The following HUWE1 variants were observed in gnomAD, a reference collection of about 807,000 sequenced individuals.
HUWE1 encodes HECT, UBA and WWE domain containing E3 ubiquitin protein ligase 1.
A neutral mutation model predicts 299.4 loss-of-function variants in HUWE1; 18 were observed. The observed-to-expected ratio is 0.06, with a 90% CI of 0.04 to 0.09. HUWE1 has a LOEUF of 0.09. Ranked by LOEUF, HUWE1 falls within the 10% of genes least tolerant of loss-of-function variation. The pLI, the probability that HUWE1 is intolerant of heterozygous loss-of-function variation, is 1.00. For synonymous variants in HUWE1, 1,317 were observed against 1,286.1 expected (o/e 1.02, Z -0.51); for missense variants, 1,832 against 3,462.3 (o/e 0.53, Z 11.82).
Position 53,624,647 on chromosome X carries a change from C to T in HUWE1, c.1620G>A (p.Leu540=). 8.3e-7 allele frequency: 1 copy of T among 1,203,967 alleles called. No individual in the cohort carries two copies. The highest frequency in any genetic ancestry group is 1.1e-6 in the Non-Finnish European group (1 of 888,492). The change falls in exon 19 of 84, where the codon CTG becomes CTA. Residue 540 remains leucine, a synonymous_variant. Coordinates refer to ENST00000262854, the MANE Select transcript of HUWE1 (RefSeq NM_031407.7). ...ATTCTGCATTGCTGATGATGTGTTT[C>T]AGGGAGGTAGGCAGAGAACCATCCA... is the stretch of plus-strand genomic sequence containing the variant. ...HVMDGSLPTS[L]KHIISNAEYY... is the part of the protein sequence containing the mutation.
intron 7 of HUWE1, among the ~76,000 whole-genome samples, chrX:53,643,476 A>T (rs1297270352): frequency 9.1e-6 from 1 of 110,321 alleles, no homozygotes; most frequent in African/African-American, 3.3e-5. Context: ...TACCGTCCTG[A>T]GTAGCTAGGA....
intron 3 of HUWE1, among the ~76,000 whole-genome samples, chrX:53,656,529 G>T (rs1436956790): frequency 1.3e-5 from 1 of 78,284 alleles, no homozygotes; most frequent in Non-Finnish European, 2.3e-5. Flanking sequence ...GTGACAGAGC[G>T]AGACTCCAGT....
chrX:53,568,482 G>A (rs1401680713), intron 49 of HUWE1, among the ~76,000 whole-genome samples: 2 of 108,521 alleles, frequency 1.8e-5, no homozygotes, highest in African/African-American at 6.7e-5. Context: ...GGGGAAGCTT[G>A]AAAAAAAAAT....
At chrX:53,560,491 T>C (rs935270021) in intron 55 of HUWE1, 75 bp from the exon 56 acceptor site, 3 of 911,751 alleles carry the variant, frequency 3.3e-6, no homozygotes, top group South Asian at 2.1e-5. Context: ...GAATCATGTC[T>C]CCTGGGCCTT....
chrX:53,551,588 CTGCAG>C (rs2061766094), intron 63 of HUWE1, 108 bp from the exon 64 acceptor site: 2 of 718,145 alleles, frequency 2.8e-6, no homozygotes, highest in African/African-American at 4.2e-5. Flanking sequence ...CCTTGCCTCA[CTGCAG>C]TGTTGAGCTC....
At chrX:53,673,069 A>C (rs1557049983) in intron 3 of HUWE1, among the ~76,000 whole-genome samples, 1 of 112,379 alleles carries the variant, frequency 8.9e-6, no homozygotes, top group African/African-American at 3.2e-5. Flanking sequence ...TTCCCAAAGC[A>C]TTCTTACTAA....
chrX:53,586,600 A>AT (rs781986614), intron 38 of HUWE1, 29 bp from the exon 39 acceptor site: 10 of 1,128,102 alleles, frequency 8.9e-6, no homozygotes, highest in Non-Finnish European at 1.2e-5. Flanking sequence ...CTGTTTTGGG[A>AT]AAGCAAGAAA....
At chrX:53,582,508 C>T (rs1427653819) in intron 42 of HUWE1, among the ~76,000 whole-genome samples, 1 of 112,337 alleles carries the variant, frequency 8.9e-6, no homozygotes, top group Non-Finnish European at 1.9e-5. Flanking sequence ...ACTTGTAATG[C>T]CTTTTGATCC....
At chrX:53,632,108 T>A (rs1557023255) in intron 9 of HUWE1, 2 of 332,916 alleles carry the variant, frequency 6.0e-6, no homozygotes. Flanking sequence ...AATGACCAGA[T>A]AATTTAAGCA....
intron 57 of HUWE1, 85 bp downstream of exon 57, chrX:53,559,269 A>G: frequency 9.5e-7 from 1 of 1,051,839 alleles, no homozygotes; most frequent in Non-Finnish European, 1.3e-6. Flanking sequence ...GGTTTTCTAT[A>G]GGGCAGACAC....
In HUWE1 at chrX:53,573,909, G is replaced by A. The variant is rs978719308; in HGVS notation, c.6153C>T (p.Ala2051=). 1 of 1,209,676 alleles carries A rather than the reference G, an allele frequency of 8.3e-7. No individual in the cohort carries two copies. Among genetic ancestry groups the A allele is most frequent in the African/African-American group, 1.8e-5 (1 of 57,093 alleles). ...DGKKDKEGDR[A]SEEGKQKGKG... is the part of the protein sequence containing the mutation. ...TGCCTTTCTGTTTGCCTTCCTCAGAGGCCCGGTCCCCTTCTTTATCTTTCT... is the reference window on the plus strand; with the variant it reads ...TGCCTTTCTGTTTGCCTTCCTCAGAAGCCCGGTCCCCTTCTTTATCTTTCT... The change falls in exon 47 of 84, where the codon GCC becomes GCT. Residue 2051 remains alanine, a synonymous_variant. Coordinates refer to ENST00000262854, the MANE Select transcript of HUWE1 (RefSeq NM_031407.7).
intron 13 of HUWE1, among the ~76,000 whole-genome samples, chrX:53,629,212 A>C (rs1341879202): frequency 9.0e-6 from 1 of 111,540 alleles, no homozygotes; most frequent in African/African-American, 3.3e-5. Context: ...AATATTCCCA[A>C]ATCCAAAACT....
At chrX:53,654,016 T>G (rs200897430) in intron 4 of HUWE1, 47 bp downstream of exon 4, 4 of 972,186 alleles carry the variant, frequency 4.1e-6, no homozygotes, top group Non-Finnish European at 4.4e-6. Context: ...TATTTTTTTA[T>G]TTTTTAATGA....
intron 55 of HUWE1, among the ~76,000 whole-genome samples, chrX:53,560,957 T>C (rs782133869): frequency 3.6e-5 from 4 of 112,200 alleles, no homozygotes; most frequent in Admixed American, 9.5e-5. Flanking sequence ...ACTCCTCAAA[T>C]ATTGTTCAAT....
chrX:53,533,977 T>C lies in HUWE1; in HGVS notation c.13022+30A>G, dbSNP rs782434221. 5.9e-6 allele frequency: 7 copies of C among 1,185,117 alleles called. No homozygotes were observed. The Admixed American group carries it at 8.8e-5, about 15-fold the overall frequency. On this transcript the variant is annotated intron_variant, in intron 83 of 83. Transcript: ENST00000262854. ...AAGTATGCAAGCTCAACCTAAGCAC[T>C]GAAAAGGAGAAACAAACCCTTCCTT...
intron 7 of HUWE1, among the ~76,000 whole-genome samples, chrX:53,634,563 A>G (rs2067082884): frequency 8.9e-6 from 1 of 112,447 alleles, no homozygotes; most frequent in South Asian, 3.7e-4. Context: ...GATTTCTTCA[A>G]TGAGATCAAT....
chrX:53,542,396 G>A (rs2061382636), intron 74 of HUWE1, 47 bp downstream of exon 74: 1 of 830,006 alleles, frequency 1.2e-6, no homozygotes, highest in Non-Finnish European at 1.8e-6. Context: ...CATTCCAGAA[G>A]ACTGGCTATC....
rs1556947976 is a variant in HUWE1, at chrX:53,568,788, G to T, written c.6611C>A (p.Thr2204Asn). The T allele has an allele frequency of 1.7e-6, 2 of 1,207,642 alleles. No homozygotes were observed. The highest frequency in any genetic ancestry group is 4.4e-5 in the Admixed American group (2 of 45,666). ...SSFYSSATAK[T>N]QHNGMNNIIR... ...GATGTTGTTCATGCCATTGTGCTGG[G>T]TCTTCGCTGTGGCACTGCTGTAGAA... Residue 2204 changes from threonine (T) to asparagine (N), a missense_variant, in exon 49 of 84, where the codon ACC (threonine) becomes AAC (asparagine). Physicochemically the swap from Thr to Asn is moderately conservative, Grantham distance 65. Transcript: ENST00000262854.
chrX:53,557,976 T>G, intron 59 of HUWE1, among the ~76,000 whole-genome samples: 1 of 111,894 alleles, frequency 8.9e-6, no homozygotes, highest in Non-Finnish European at 1.9e-5. Context: ...TATACTAAAG[T>G]CTTTCACTCT....
Sources: gnomAD v4.1 joint callset for allele counts (sites outside exome capture counted in the v4.1 genomes callset) on GRCh38, gnomAD v4.1.1 for gene constraint, MANE v1.5 for transcripts, NCBI Gene and HGNC (gene_info 2026-07-23, HGNC 2026-07-21) for gene names.